The following MDGA2 variants were observed in gnomAD, a reference collection of about 807,000 sequenced individuals.
MDGA2 encodes MAM domain-containing glycosylphosphatidylinositol anchor protein 2.
MDGA2 carries 40 observed loss-of-function variants against 117.8 expected under a neutral mutation model. That is an observed-to-expected ratio of 0.34 (90% CI 0.26 to 0.44). MDGA2 has a LOEUF of 0.44. Among genes scored for constraint, MDGA2 ranks in the 20% least tolerant of loss-of-function variants. The pLI is 1.00. For synonymous variants in MDGA2, 452 were observed against 439.0 expected (o/e 1.03, Z -0.37); for missense variants, 1,123 against 1,250.6 (o/e 0.90, Z 1.54).
chr14:47,561,179 G>GTTTTTTTTTTTTTTTTTTTTTTTT (rs1299123339), intron 1 of MDGA2, among the ~76,000 whole-genome samples: 2 of 71,624 alleles, frequency 2.8e-5, no homozygotes, highest in African/African-American at 4.7e-5. Flanking sequence ...TTGTTTGTTT[G>GTTTTTTTTTTTTTTTTTTTTTTTT]TTTTTTTTTG....
At chr14:47,121,453 T>A (rs1348228724) in intron 5 of MDGA2, among the ~76,000 whole-genome samples, 1 of 151,996 alleles carries the variant, frequency 6.6e-6, no homozygotes, top group African/African-American at 2.4e-5. Flanking sequence ...TTGACAAAAT[T>A]TTGGAATTTC....
chr14:47,249,725 A>C (rs1667624342), intron 2 of MDGA2, among the ~76,000 whole-genome samples: 1 of 152,160 alleles, frequency 6.6e-6, no homozygotes, highest in South Asian at 2.1e-4. Flanking sequence ...TTTTTAGAGA[A>C]ACAGTTTTAG....
chr14:47,070,364 C>T (rs1333413838), intron 6 of MDGA2, among the ~76,000 whole-genome samples: 1 of 152,098 alleles, frequency 6.6e-6, no homozygotes, highest in Non-Finnish European at 1.5e-5. Context: ...TCTGCTCCAT[C>T]GAGTTGTAAA....
At chr14:47,103,928 T>C (rs554650618) in intron 5 of MDGA2, among the ~76,000 whole-genome samples, 63 of 152,298 alleles carry the variant, frequency 4.1e-4, no homozygotes, top group African/African-American at 1.5e-3. Flanking sequence ...AGCTGTGATA[T>C]ATCAGCGAAC....
At chr14:47,185,776 AT>A (rs1335443734) in intron 3 of MDGA2, among the ~76,000 whole-genome samples, 1 of 151,678 alleles carries the variant, frequency 6.6e-6, no homozygotes, top group Admixed American at 6.6e-5. Flanking sequence ...AATCTTAAAT[AT>A]TAGCAAGCAT....
chr14:47,465,633 T>C (rs1190640364), intron 1 of MDGA2, among the ~76,000 whole-genome samples: 2 of 152,112 alleles, frequency 1.3e-5, no homozygotes, highest in African/African-American at 2.4e-5. Context: ...CAATGAGATA[T>C]CATCTCACAC....
intron 14 of MDGA2, among the ~76,000 whole-genome samples, chr14:46,865,439 G>A (rs1017216001): frequency 2.0e-5 from 3 of 152,208 alleles, no homozygotes; most frequent in Non-Finnish European, 4.4e-5. Flanking sequence ...ATATCATACT[G>A]AATGGGCAAA....
intron 14 of MDGA2, 110 bp downstream of exon 14, chr14:46,873,323 G>A (rs1882090889): frequency 1.1e-6 from 1 of 948,320 alleles, no homozygotes. Context: ...TTTAAAAAGT[G>A]AATTATAGCA....
intron 1 of MDGA2, among the ~76,000 whole-genome samples, chr14:47,562,535 T>C (rs572588870): frequency 4.0e-4 from 61 of 152,356 alleles, no homozygotes; most frequent in African/African-American, 1.4e-3. Context: ...ACTGAGGTGT[T>C]CATCACAGCC....
At chr14:47,442,627 G>A (rs1290255278) in intron 1 of MDGA2, among the ~76,000 whole-genome samples, 3 of 152,004 alleles carry the variant, frequency 2.0e-5, no homozygotes, top group African/African-American at 7.2e-5. Flanking sequence ...AAGTTTAAAG[G>A]CATTAAATAG....
At chr14:47,500,337 G>T (rs552850370) in intron 1 of MDGA2, among the ~76,000 whole-genome samples, 73 of 152,132 alleles carry the variant, frequency 4.8e-4, no homozygotes, top group South Asian at 4.4e-3. Context: ...GTAACCAGGG[G>T]TCTTCTCTAT....
At chr14:47,161,721 C>T (rs1883642107) in intron 3 of MDGA2, among the ~76,000 whole-genome samples, 1 of 151,768 alleles carries the variant, frequency 6.6e-6, no homozygotes, top group Non-Finnish European at 1.5e-5. Flanking sequence ...TGCCCACATC[C>T]TTGCCCCTGA....
chr14:47,588,086 T>A (rs1398935308), intron 1 of MDGA2, among the ~76,000 whole-genome samples: 5 of 151,734 alleles, frequency 3.3e-5, no homozygotes, highest in Admixed American at 6.6e-5. Context: ...AATATTCAAT[T>A]ATATAAATGG....
chr14:47,172,055 G>T (rs759537239), intron 3 of MDGA2, among the ~76,000 whole-genome samples: 5 of 152,164 alleles, frequency 3.3e-5, no homozygotes, highest in Non-Finnish European at 7.3e-5. Context: ...TAGCACAGTG[G>T]TCTGAGATCA....
chr14:46,893,194 C>T (rs1882947517), intron 10 of MDGA2, among the ~76,000 whole-genome samples: 1 of 151,964 alleles, frequency 6.6e-6, no homozygotes, highest in South Asian at 2.1e-4. Flanking sequence ...CTATTTGCAA[C>T]AGCAGGGCGG....
chr14:47,280,228 C>A (rs1458815379), intron 2 of MDGA2, among the ~76,000 whole-genome samples: 1 of 144,214 alleles, frequency 6.9e-6, no homozygotes, highest in African/African-American at 2.6e-5. Flanking sequence ...GCAGGAGAAT[C>A]ACTTGCACCC....
intron 1 of MDGA2, among the ~76,000 whole-genome samples, chr14:47,458,600 T>C (rs143538643): frequency 1.0e-3 from 153 of 152,166 alleles, no homozygotes; most frequent in African/African-American, 3.4e-3. Context: ...ATTGTGACCA[T>C]AGGTAACAAC....
chr14:47,634,151 G>A (rs1262080990), intron 1 of MDGA2, among the ~76,000 whole-genome samples: 3 of 152,020 alleles, frequency 2.0e-5, no homozygotes, highest in Non-Finnish European at 4.4e-5. Context: ...AAAGCCAAAT[G>A]CACCATTTGT....
At chr14:47,626,586 GC>G (rs1000301016) in intron 1 of MDGA2, 28 of 152,466 alleles carry the variant, frequency 1.8e-4, no homozygotes, top group African/African-American at 5.8e-4. Context: ...CGGGGGCTGC[GC>G]CCGGCGCTTG....
Sources: gnomAD v4.1 joint callset for allele counts (sites outside exome capture counted in the v4.1 genomes callset) on GRCh38, gnomAD v4.1.1 for gene constraint, MANE v1.5 for transcripts, NCBI Gene and HGNC (gene_info 2026-07-23, HGNC 2026-07-21) for gene names.